ERC2: variants seen among roughly 807,000 people sequenced by gnomAD.
ERC2 encodes ERC protein 2.
A neutral mutation model predicts 114.8 loss-of-function variants in ERC2; 42 were observed. The ratio of observed to expected loss-of-function variants is 0.37; its 90% CI spans 0.29 to 0.47. The LOEUF (loss-of-function observed/expected upper bound fraction) is 0.47. Among genes scored for constraint, ERC2 ranks in the 20% least tolerant of loss-of-function variants. The probability of loss-of-function intolerance (pLI) is 0.99; values close to 1 mark genes in which losing one functional copy is unlikely to be tolerated. For missense variants in ERC2, 939 were observed against 1,150.7 expected (o/e 0.82, Z 2.66); for synonymous variants, 454 against 425.5 (o/e 1.07, Z -0.82).
intron 4 of ERC2, among the ~76,000 whole-genome samples, chr3:56,166,432 G>A (rs1032000291): frequency 6.6e-6 from 1 of 152,084 alleles, no homozygotes; most frequent in Admixed American, 6.6e-5. Context: ...AAGAGTTTCT[G>A]TATGATTGAT....
chr3:55,553,011 ATTTTTTTTTTTTTTT>A (rs66602607), intron 17 of ERC2, among the ~76,000 whole-genome samples: 982 of 55,262 alleles, frequency 0.018, 43 homozygotes, highest in African/African-American at 0.062. Context: ...GGGCTTCCAG[ATTTTTTTTTTTTTTT>A]TTTTTTTTTT....
At position 56,241,679 on chromosome 3, in the gene ERC2, C is replaced by G. The variant is rs148136717; in HGVS notation, c.1074+54340G>C. On this transcript the variant is annotated intron_variant, in intron 3 of 17. Transcript: ENST00000288221. Reference sequence around the variant, plus strand: ...TAGAAACAGATAGTTCCCCCTTCACCGAGTCTTTCCCTTACTACTTTGGAC... The same window carrying G: ...TAGAAACAGATAGTTCCCCCTTCACGGAGTCTTTCCCTTACTACTTTGGAC... Among the ~76,000 whole-genome samples the G allele has an allele frequency of 2.1e-3, 314 of 152,190 alleles. 2 individuals carry two copies. Among genetic ancestry groups the G allele is most frequent in the African/African-American group, 7.2e-3 (300 of 41,550 alleles).
At chr3:56,449,439 G>T (rs539345537) in intron 1 of ERC2, among the ~76,000 whole-genome samples, 1 of 152,196 alleles carries the variant, frequency 6.6e-6, no homozygotes, top group African/African-American at 2.4e-5. Flanking sequence ...AAGGGAACAC[G>T]GGAGCTATGC....
chr3:55,934,110 C>T (rs2066292912), intron 13 of ERC2, among the ~76,000 whole-genome samples: 1 of 152,024 alleles, frequency 6.6e-6, no homozygotes, highest in Non-Finnish European at 1.5e-5. Flanking sequence ...GCATATATAC[C>T]ATATGTGCAT....
At chr3:56,425,564 T>TC (rs200806396) in intron 2 of ERC2, among the ~76,000 whole-genome samples, 8,644 of 67,122 alleles carry the variant, frequency 0.13, 331 homozygotes, top group Middle Eastern at 0.32. Context: ...CTTTTTCTTT[T>TC]TTTTTTTTTT....
intron 2 of ERC2, among the ~76,000 whole-genome samples, chr3:56,305,984 G>A (rs1456401545): frequency 6.6e-6 from 1 of 152,086 alleles, no homozygotes; most frequent in Non-Finnish European, 1.5e-5. Context: ...CACGTAGCTG[G>A]GACTACAGGC....
At chr3:55,789,793 A>G (rs564127218) in intron 14 of ERC2, among the ~76,000 whole-genome samples, 82 of 152,314 alleles carry the variant, frequency 5.4e-4, no homozygotes, top group African/African-American at 2.0e-3. Flanking sequence ...CTGGTGATAC[A>G]AAAAGGCAGA....
At chr3:55,957,657 G>A (rs2068053245) in intron 12 of ERC2, among the ~76,000 whole-genome samples, 1 of 152,216 alleles carries the variant, frequency 6.6e-6, no homozygotes, top group Non-Finnish European at 1.5e-5. Context: ...CAGGCATGGA[G>A]TGATGAGGGG....
At chr3:56,189,213 C>A (rs1030751175) in intron 3 of ERC2, among the ~76,000 whole-genome samples, 1 of 152,212 alleles carries the variant, frequency 6.6e-6, no homozygotes, top group Admixed American at 6.5e-5. Flanking sequence ...GAATCTGTTT[C>A]TTTCTTCATA....
intron 12 of ERC2, among the ~76,000 whole-genome samples, chr3:55,970,748 A>T (rs2069096583): frequency 6.6e-6 from 1 of 152,198 alleles, no homozygotes; most frequent in South Asian, 2.1e-4. Context: ...GCGGGAATGT[A>T]AAATGGCACA....
At chr3:56,411,624 C>T (rs2060943756) in intron 2 of ERC2, among the ~76,000 whole-genome samples, 1 of 152,060 alleles carries the variant, frequency 6.6e-6, no homozygotes, top group South Asian at 2.1e-4. Flanking sequence ...ACTTACATAG[C>T]ATTGTTCTCA....
chr3:56,027,390 T>G (rs1349856031), intron 7 of ERC2, among the ~76,000 whole-genome samples: 1 of 152,220 alleles, frequency 6.6e-6, no homozygotes, highest in Non-Finnish European at 1.5e-5. Context: ...TATAAGATAC[T>G]ACTGCACTGT....
chr3:55,730,420 G>A (rs1026326734), intron 15 of ERC2, among the ~76,000 whole-genome samples: 1 of 152,184 alleles, frequency 6.6e-6, no homozygotes, highest in Non-Finnish European at 1.5e-5. Flanking sequence ...GTAAACTTAG[G>A]TTACCATAAA....
chr3:56,028,643 G>A (rs2074192062), intron 7 of ERC2, among the ~76,000 whole-genome samples: 1 of 152,142 alleles, frequency 6.6e-6, no homozygotes, highest in African/African-American at 2.4e-5. Flanking sequence ...GTTAAATTTT[G>A]TATGTTGATC....
intron 17 of ERC2, among the ~76,000 whole-genome samples, chr3:55,603,524 C>T (rs1443912312): frequency 4.0e-5 from 6 of 151,124 alleles, no homozygotes; most frequent in Non-Finnish European, 7.4e-5. Context: ...CCCAGCTACT[C>T]GGGAGGCTGA....
At chr3:55,542,053 T>A (rs191381507) in intron 17 of ERC2, among the ~76,000 whole-genome samples, 20 of 152,302 alleles carry the variant, frequency 1.3e-4, no homozygotes, top group Non-Finnish European at 2.5e-4. Context: ...TTTAAACCCA[T>A]TTTACTGTTG....
chr3:56,064,079 AC>A (rs1377056058), intron 7 of ERC2, among the ~76,000 whole-genome samples: 1 of 152,236 alleles, frequency 6.6e-6, no homozygotes. Flanking sequence ...CTAAATCAAT[AC>A]CTACATCCTC....
chr3:55,553,575 T>C lies in ERC2; in HGVS notation c.*40-42299A>G, dbSNP rs561245293. Among the ~76,000 whole-genome samples the C allele has an allele frequency of 2.9e-3, 444 of 152,026 alleles. 2 individuals carry two copies. The highest frequency in any genetic ancestry group is 3.7e-3 in the Non-Finnish European group (253 of 67,970). On this transcript the variant is annotated intron_variant, in intron 17 of 17. Transcript: ENST00000288221. ...GCGGGCAGATCATGAGGTCAGGAGA[T>C]CGAGACCATCCTGGCTAACATGGTG...
intron 2 of ERC2, among the ~76,000 whole-genome samples, chr3:56,423,348 G>A (rs922542607): frequency 1.3e-5 from 2 of 152,236 alleles, no homozygotes; most frequent in Non-Finnish European, 2.9e-5. Flanking sequence ...GGCATTCTGA[G>A]CTAGACAACG....
Sources: gnomAD v4.1 joint callset for allele counts (sites outside exome capture counted in the v4.1 genomes callset) on GRCh38, gnomAD v4.1.1 for gene constraint, MANE v1.5 for transcripts, NCBI Gene and HGNC (gene_info 2026-07-23, HGNC 2026-07-21) for gene names.